The following TLK1 variants were observed in gnomAD, a reference collection of about 807,000 sequenced individuals.
The protein encoded by TLK1 is tousled like kinase 1.
Under a neutral mutation model 105.3 loss-of-function variants are expected in TLK1, and 24 were observed. The observed-to-expected ratio is 0.23, with a 90% confidence interval of 0.17 to 0.32. The LOEUF (loss-of-function observed/expected upper bound fraction) is 0.32, where lower values mean the gene tolerates loss of function less well. Ranked by LOEUF, TLK1 falls within the 10% of genes least tolerant of loss-of-function variation. TLK1 has a pLI of 1.00. For missense variants in TLK1, 558 were observed against 910.5 expected, an observed-to-expected ratio of 0.61 and a Z score of 4.98; for synonymous variants, 321 against 310.4, an observed-to-expected ratio of 1.03 and a Z score of -0.36.
In TLK1 at chr2:170,992,274, T is replaced by C. The variant is rs1038184634; in HGVS notation, c.*1506A>G. On this transcript the variant is annotated 3_prime_UTR_variant, in exon 21 of 21. Coordinates refer to ENST00000431350, the MANE Select transcript of TLK1 (RefSeq NM_012290.5). The stretch of plus-strand genomic sequence containing the variant: ...ATGTACAATGAAAAAACAAAATGGC[T>C]TGCAACATCAGAAATACAGTTTAAC... 3.9e-5 allele frequency: 6 copies of C among 152,168 alleles called. No homozygotes were observed. The highest frequency in any genetic ancestry group is 1.4e-4 in the African/African-American group (6 of 41,458). The allele number at this position is 152,168 out of a possible 1,614,324, so 9.4% of individuals were successfully genotyped here.
intron 1 of TLK1, among the ~76,000 whole-genome samples, chr2:171,184,474 C>G (rs1426268470): frequency 6.6e-6 from 1 of 151,950 alleles, no homozygotes; most frequent in Non-Finnish European, 1.5e-5. Flanking sequence ...GAAACCCCGT[C>G]TCCACTAAAA....
chr2:171,228,071 G>T (rs1022897460), intron 1 of TLK1, among the ~76,000 whole-genome samples: 1 of 152,178 alleles, frequency 6.6e-6, no homozygotes, highest in Non-Finnish European at 1.5e-5. Context: ...AGCTACTTGG[G>T]AGGCTGAGAC....
At chr2:171,188,706 A>AG (rs1028252831) in intron 1 of TLK1, among the ~76,000 whole-genome samples, 1 of 128,370 alleles carries the variant, frequency 7.8e-6, no homozygotes, top group African/African-American at 3.1e-5. Flanking sequence ...ACTCTGTCTC[A>AG]AAAAAAAAAA....
At chr2:171,152,019 C>CT (rs1344591387) in intron 1 of TLK1, among the ~76,000 whole-genome samples, 2 of 152,156 alleles carry the variant, frequency 1.3e-5, no homozygotes, top group African/African-American at 4.8e-5. Flanking sequence ...CCCCTCTGAC[C>CT]TTCACCAGAG....
At chr2:171,228,946 G>A (rs1046987734) in intron 1 of TLK1, among the ~76,000 whole-genome samples, 7 of 152,166 alleles carry the variant, frequency 4.6e-5, no homozygotes, top group African/African-American at 1.7e-4. Flanking sequence ...CAGCTGCATG[G>A]AACAGAATTG....
At chr2:171,087,255 T>C (rs1309981007) in intron 2 of TLK1, among the ~76,000 whole-genome samples, 5 of 152,116 alleles carry the variant, frequency 3.3e-5, no homozygotes. Flanking sequence ...ATAAAGCAGC[T>C]AATATAAGTA....
At chr2:171,185,889 T>C (rs1026040058) in intron 1 of TLK1, among the ~76,000 whole-genome samples, 7 of 152,254 alleles carry the variant, frequency 4.6e-5, no homozygotes, top group African/African-American at 1.4e-4. Context: ...AATAAGAGTT[T>C]GAAAAATAAT....
At chr2:171,120,057 G>A (rs1690588499) in intron 1 of TLK1, among the ~76,000 whole-genome samples, 1 of 151,942 alleles carries the variant, frequency 6.6e-6, no homozygotes, top group Admixed American at 6.6e-5. Flanking sequence ...GACTAGCCTG[G>A]CCAACATCTC....
At chr2:171,026,660 A>G (rs1056260925) in intron 12 of TLK1, among the ~76,000 whole-genome samples, 1 of 152,160 alleles carries the variant, frequency 6.6e-6, no homozygotes, top group African/African-American at 2.4e-5. Flanking sequence ...GGCTGGTTAG[A>G]AAATAACTGG....
At chr2:171,023,312 T>C (rs1165511478) in intron 12 of TLK1, among the ~76,000 whole-genome samples, 1 of 152,178 alleles carries the variant, frequency 6.6e-6, no homozygotes. Flanking sequence ...TTGGTGCTGA[T>C]GGTTCTTGAC....
intron 14 of TLK1, among the ~76,000 whole-genome samples, chr2:171,008,715 GAAAGGGCTTT>G (rs796174457): frequency 6.2e-4 from 95 of 152,174 alleles, no homozygotes; most frequent in African/African-American, 2.2e-3. Context: ...TGGCAATCAT[GAAAGGGCTTT>G]AAAGGGCTTA....
Position 170,993,708 on chromosome 2 carries a change from C to T in TLK1, c.*72G>A, listed in dbSNP as rs1271631135. Reference sequence around the variant, plus strand: ...AAAAAAAAGAAAAAGAAAACAAACACTCAAATGCTCTCAAACTTAAGTGTG... The same window carrying T: ...AAAAAAAAGAAAAAGAAAACAAACATTCAAATGCTCTCAAACTTAAGTGTG... On this transcript the variant is annotated 3_prime_UTR_variant, in exon 21 of 21. Coordinates refer to ENST00000431350, the MANE Select transcript of TLK1 (RefSeq NM_012290.5). The T allele has an allele frequency of 1.4e-6, 1 of 726,162 alleles. No individual in the cohort carries two copies. 45.0% of individuals were successfully genotyped at this position (726,162 alleles called of 1,614,324 possible).
intron 1 of TLK1, among the ~76,000 whole-genome samples, chr2:171,119,318 A>AAC (rs1317430092): frequency 6.6e-6 from 1 of 152,180 alleles, no homozygotes; most frequent in Non-Finnish European, 1.5e-5. Context: ...CAAAAACATA[A>AAC]ACAGTTCTAG....
intron 2 of TLK1, 64 bp downstream of exon 2, chr2:171,117,675 C>A: frequency 7.8e-7 from 1 of 1,287,852 alleles, no homozygotes; most frequent in Non-Finnish European, 1.1e-6. Context: ...GAATCCTTTA[C>A]ATACTATTTT....
intron 11 of TLK1, among the ~76,000 whole-genome samples, chr2:171,032,529 T>C (rs1398447195): frequency 3.3e-5 from 5 of 152,136 alleles, no homozygotes; most frequent in Admixed American, 6.5e-5. Flanking sequence ...TAGGAATAAA[T>C]TTAACCCAGG....
At chr2:171,139,336 G>C (rs145934584) in intron 1 of TLK1, among the ~76,000 whole-genome samples, 280 of 152,250 alleles carry the variant, frequency 1.8e-3, no homozygotes, top group African/African-American at 6.3e-3. Context: ...GGTGGCTCAC[G>C]CCTGTAATCC....
intron 1 of TLK1, among the ~76,000 whole-genome samples, chr2:171,142,672 G>A (rs1160568124): frequency 1.3e-5 from 2 of 152,050 alleles, no homozygotes; most frequent in Non-Finnish European, 2.9e-5. Flanking sequence ...AATCATTTGG[G>A]GATATTTTAA....
At chr2:170,999,132 C>T (rs574044472) in intron 18 of TLK1, among the ~76,000 whole-genome samples, 3 of 152,156 alleles carry the variant, frequency 2.0e-5, no homozygotes, top group Non-Finnish European at 2.9e-5. Context: ...AGTAAAAGAT[C>T]CATCACAAGG....
chr2:171,077,495 T>A (rs1450012904), intron 3 of TLK1, among the ~76,000 whole-genome samples: 1 of 152,256 alleles, frequency 6.6e-6, no homozygotes, highest in East Asian at 1.9e-4. Flanking sequence ...GCTGTCGCTA[T>A]TTCCTCACTT....
Sources: allele counts gnomAD v4.1 joint callset (sites outside exome capture counted in the v4.1 genomes callset), GRCh38; gene constraint gnomAD v4.1.1; transcripts MANE v1.5; gene names NCBI Gene and HGNC (gene_info 2026-07-23, HGNC 2026-07-21).